TBX1: variants seen among roughly 807,000 people sequenced by gnomAD.
The protein encoded by TBX1 is T-box transcription factor 1.
Under a neutral mutation model 40.8 loss-of-function variants are expected in TBX1, and 16 were observed. That is an observed-to-expected ratio of 0.39 (90% CI 0.27 to 0.60). The LOEUF (loss-of-function observed/expected upper bound fraction) is 0.60. Ranked by LOEUF, TBX1 falls within the 20% of genes least tolerant of loss-of-function variation. The probability of loss-of-function intolerance (pLI) is 0.51; values close to 1 mark genes in which losing one functional copy is unlikely to be tolerated. For missense variants in TBX1, 755 were observed against 728.5 expected, an observed-to-expected ratio of 1.04 and a Z score of -0.42; for synonymous variants, 403 against 336.8, an observed-to-expected ratio of 1.20 and a Z score of -2.15.
chr22:19,763,189 AG>A (rs1936722717), intron 1 of TBX1, 51 bp from the exon 2 acceptor site: 1 of 1,512,978 alleles, frequency 6.6e-7, no homozygotes, highest in African/African-American at 1.4e-5. Flanking sequence ...AGGCAGGTCA[AG>A]GGGGGCTGCC....
intron 8 of TBX1, among the ~76,000 whole-genome samples, chr22:19,776,169 C>T (rs1402618945): frequency 6.6e-6 from 1 of 152,162 alleles, no homozygotes; most frequent in Non-Finnish European, 1.5e-5. Context: ...TGCTGTGGCC[C>T]GTGTCCACCC....
downstream of TBX1, among the ~76,000 whole-genome samples, chr22:19,770,648 G>A (rs765683918): frequency 3.9e-5 from 6 of 152,206 alleles, no homozygotes; most frequent in Admixed American, 6.5e-5. Flanking sequence ...ACCCTGCGGC[G>A]CACCCTCCAG....
chr22:19,762,485 C>T (rs926184509), intron 1 of TBX1, among the ~76,000 whole-genome samples: 1 of 152,244 alleles, frequency 6.6e-6, no homozygotes, highest in Admixed American at 6.5e-5. Context: ...ATGGCCTACA[C>T]CCGTCCAGGC....
chr22:19,779,629 C>A, downstream of TBX1: 1 of 1,088,018 alleles, frequency 9.2e-7, no homozygotes, highest in Non-Finnish European at 1.3e-6. Context: ...GACATTTAAA[C>A]ATTGACTGTA....
chr22:19,762,075 C>G (rs1010493479), intron 1 of TBX1, among the ~76,000 whole-genome samples: 1 of 152,254 alleles, frequency 6.6e-6, no homozygotes, highest in African/African-American at 2.4e-5. Context: ...GTTTCTGTTT[C>G]CCTGCTGCCG....
At position 19,766,610 on chromosome 22, in the gene TBX1, C is replaced by G. The variant is rs1457894457; in HGVS notation, c.1258C>G (p.Leu420Val). ...RLEAPGASEP[L>V]HHHPYKYPAA... The stretch of plus-strand genomic sequence containing the variant: ...GGAGGCGCCCGGCGCATCGGAGCCG[C>G]TGCACCACCACCCCTACAAATATCC... The change falls in exon 7 of 7, where the codon CTG (leucine) becomes GTG (valine). Residue 420 changes from leucine (L) to valine (V), a missense_variant. This residue lies in a region of TBX1 where 412 missense variants were observed against 317.6 expected (regional missense o/e 1.30). Transcript: ENST00000649276. 7 of 1,522,784 alleles carry G rather than the reference C, an allele frequency of 4.6e-6. No individual in the cohort carries two copies. The South Asian group carries it at 7.2e-5, about 16-fold the overall frequency. The allele number at this position is 1,522,784 out of a possible 1,614,324, so 94.3% of individuals were successfully genotyped here.
intron 8 of TBX1, among the ~76,000 whole-genome samples, chr22:19,778,841 C>G (rs529970625): frequency 2.0e-5 from 3 of 152,224 alleles, no homozygotes; most frequent in African/African-American, 7.2e-5. Context: ...ACTGCTTGAA[C>G]TTGGGAGGTG....
chr22:19,764,984 C>A lies in TBX1; in HGVS notation c.738C>A (p.Tyr246Ter). ...GHIILNSMHR[Y>*]QPRFHVVYVD... ...TTATTCTGAATTCCATGCACAGATACCAGCCCCGCTTCCACGTGGTCTATG... is the reference window on the plus strand; with the variant it reads ...TTATTCTGAATTCCATGCACAGATAACAGCCCCGCTTCCACGTGGTCTATG... Residue 246 changes from tyrosine (Y) to a stop codon, truncating the protein, a stop_gained, in exon 4 of 7, where the codon TAC becomes TAA. Coordinates refer to ENST00000649276, the MANE Select transcript of TBX1 (RefSeq NM_001379200.1). LOFTEE classifies it high-confidence loss of function. 6.2e-7 allele frequency: 1 copy of A among 1,614,214 alleles called. No homozygotes were observed. The highest frequency in any genetic ancestry group is 8.5e-7 in the Non-Finnish European group (1 of 1,180,028).
chr22:19,763,527 T>C (rs1355112770), intron 2 of TBX1, 185 bp downstream of exon 2: 4 of 622,054 alleles, frequency 6.4e-6, no homozygotes, highest in Admixed American at 2.5e-5. Flanking sequence ...CCCTACTCCA[T>C]GCCCTCTCAG....
chr22:19,761,599 C>T (rs965775745), intron 1 of TBX1, among the ~76,000 whole-genome samples: 3 of 152,002 alleles, frequency 2.0e-5, no homozygotes, highest in African/African-American at 7.2e-5. Flanking sequence ...GCCCAGAAAC[C>T]GGCCCGGCTT....
Position 19,761,052 on chromosome 22 carries a change from C to A in TBX1, c.209C>A (p.Pro70Gln). ...TGCGCCGCCGCCGCCCCCGGCGCCC[C>A]GGGCCCGCCGCCGCCGCCGCACGCC... ...DPCAAAAPGA[P>Q]GPPPPPHAYP... The change falls in exon 1 of 7, where the codon CCG becomes CAG. Residue 70 changes from proline to glutamine, a missense_variant. Around this residue, in one of 3 missense-constraint regions of TBX1, gnomAD observed 199 missense variants for 173.0 expected, o/e 1.15. Transcript: ENST00000649276. 1 of 900,992 alleles carries A rather than the reference C, an allele frequency of 1.1e-6. No individual in the cohort carries two copies. The highest frequency in any genetic ancestry group is 1.3e-6 in the Non-Finnish European group (1 of 755,968). 55.8% of individuals were successfully genotyped at this position (900,992 alleles called of 1,614,324 possible). A position where few individuals can be genotyped will look rare whatever the true frequency, so the allele number is the denominator to read the frequency against.
At chr22:19,779,432 A>C in exon 9 of TBX1, 1 of 1,614,042 alleles carries the variant, frequency 6.2e-7, no homozygotes, top group African/African-American at 1.3e-5. Context: ...CCATGGGCAC[A>C]TGGAGTTGTC....
chr22:19,775,640 C>A (rs989077950), intron 8 of TBX1, among the ~76,000 whole-genome samples: 1 of 152,150 alleles, frequency 6.6e-6, no homozygotes, highest in South Asian at 2.1e-4. Context: ...AATGCACGCT[C>A]GGAACCACAG....
At chr22:19,759,153 G>C (rs1206305305), upstream of TBX1, among the ~76,000 whole-genome samples, 1 of 152,210 alleles carries the variant, frequency 6.6e-6, no homozygotes, top group East Asian at 1.9e-4. Context: ...AGAAGCTGAC[G>C]GTGGCTTCGC....
chr22:19,769,490 T>A (rs1936952212), downstream of TBX1, among the ~76,000 whole-genome samples: 1 of 152,244 alleles, frequency 6.6e-6, no homozygotes, highest in African/African-American at 2.4e-5. Context: ...GGCCGGCGTC[T>A]GGGTGGCAGC....
chr22:19,759,600 C>T, upstream of TBX1: 1 of 1,608,350 alleles, frequency 6.2e-7, no homozygotes, highest in Non-Finnish European at 8.5e-7. Flanking sequence ...TCAGGGTCCT[C>T]CGACCGGGTG....
chr22:19,761,000 C>A lies in TBX1; in HGVS notation c.157C>A (p.Pro53Thr). ...CGACCCGTACGGCCCGCGCGAGCCCCCGCCGCCGCCGCCGCGCTACGACCC... is the reference window on the plus strand; with the variant it reads ...CGACCCGTACGGCCCGCGCGAGCCCACGCCGCCGCCGCCGCGCTACGACCC... ...GADPYGPREP[P>T]PPPPRYDPCA... Residue 53 changes from proline (P) to threonine (T), a missense_variant, in exon 1 of 7, where the codon CCG becomes ACG. Physicochemically the swap from Pro to Thr is conservative, Grantham distance 38. Around this residue, in one of 3 missense-constraint regions of TBX1, gnomAD observed 199 missense variants for 173.0 expected, o/e 1.15. Coordinates refer to ENST00000649276, the MANE Select transcript of TBX1 (RefSeq NM_001379200.1). 1 of 832,926 alleles carries A rather than the reference C, an allele frequency of 1.2e-6. No homozygotes were observed. The highest frequency in any genetic ancestry group is 5.3e-5 in the South Asian group (1 of 19,014). 51.6% of individuals were successfully genotyped at this position (832,926 alleles called of 1,614,324 possible).
chr22:19,775,879 T>A (rs576383590), intron 8 of TBX1, among the ~76,000 whole-genome samples: 9 of 152,154 alleles, frequency 5.9e-5, no homozygotes, highest in Non-Finnish European at 1.0e-4. Context: ...CTGAGGGGTC[T>A]GGCTGCTGTG....
At chr22:19,768,640 C>T (rs41299916), downstream of TBX1, among the ~76,000 whole-genome samples, 1,568 of 152,320 alleles carry the variant, frequency 0.01, 30 homozygotes, top group African/African-American at 0.036. Context: ...GGGCTTTGCA[C>T]TGCAGAGGGC....
Sources: allele counts gnomAD v4.1 joint callset (sites outside exome capture counted in the v4.1 genomes callset), GRCh38; gene constraint gnomAD v4.1.1; regional missense constraint gnomAD v4.1.1; transcripts MANE v1.5; gene names NCBI Gene and HGNC (gene_info 2026-07-23, HGNC 2026-07-21).